TEX11: variants seen among roughly 807,000 people sequenced by gnomAD.
TEX11 encodes testis-expressed protein 11.
A neutral mutation model predicts 84.4 loss-of-function variants in TEX11; 7 were observed. That is an observed-to-expected ratio of 0.08 (90% CI 0.05 to 0.16). The LOEUF (loss-of-function observed/expected upper bound fraction) is 0.16, where lower values mean the gene tolerates loss of function less well. TEX11 is among the 10% of genes least tolerant of loss of function. The probability of loss-of-function intolerance (pLI) is 1.00; values close to 1 mark genes in which losing one functional copy is unlikely to be tolerated. For synonymous variants in TEX11, 264 were observed against 222.8 expected (o/e 1.18, Z -1.64); for missense variants, 551 against 660.5 (o/e 0.83, Z 1.82).
At chrX:70,629,373 C>T (rs960702311) in intron 18 of TEX11, among the ~76,000 whole-genome samples, 1 of 111,729 alleles carries the variant, frequency 9.0e-6, no homozygotes, top group Non-Finnish European at 1.9e-5. Flanking sequence ...TGTTTTGCTA[C>T]GTTTATTTTT....
chrX:70,866,374 T>C (rs755313277), intron 4 of TEX11, among the ~76,000 whole-genome samples: 2 of 107,225 alleles, frequency 1.9e-5, no homozygotes, highest in African/African-American at 6.8e-5. Flanking sequence ...ACTAACAAGT[T>C]CTGAAATTGA....
chrX:70,604,059 A>G (rs2089166754), intron 24 of TEX11, among the ~76,000 whole-genome samples: 1 of 111,659 alleles, frequency 9.0e-6, no homozygotes, highest in Non-Finnish European at 1.9e-5. Context: ...TTCTGAGAAA[A>G]CACAGAGGTG....
chrX:70,663,779 T>C (rs1214939676), intron 16 of TEX11, among the ~76,000 whole-genome samples: 1 of 112,016 alleles, frequency 8.9e-6, no homozygotes, highest in African/African-American at 3.2e-5. Flanking sequence ...GCTTTCATAC[T>C]ATCATAAGAT....
At chrX:70,786,083 T>A (rs927391509) in intron 9 of TEX11, among the ~76,000 whole-genome samples, 9 of 112,101 alleles carry the variant, frequency 8.0e-5, no homozygotes, top group Non-Finnish European at 1.3e-4. Context: ...TGTCCATCAA[T>A]GATAGACTGG....
Position 70,624,859 on chromosome X carries a change from T to C in TEX11, c.1674A>G (p.Glu558=). The change falls in exon 19 of 30, where the codon GAA becomes GAG. Residue 558 remains glutamate (E), a synonymous_variant. Transcript: ENST00000374333. ...EYLAQHSEDQ[E]QVLTAVKCLL... ...CTTACTTTACAGCTGTAAGAACTTG[T>C]TCCTGGTCTTCTGAATGTTGAGCTA... is the stretch of plus-strand genomic sequence containing the variant. 2 of 1,208,486 alleles carry C rather than the reference T, an allele frequency of 1.7e-6. No homozygotes were observed. Among genetic ancestry groups the C allele is most frequent in the South Asian group, 1.8e-5 (1 of 56,336 alleles).
chrX:70,584,363 T>A (rs1336962538), intron 25 of TEX11, among the ~76,000 whole-genome samples: 1 of 107,964 alleles, frequency 9.3e-6, no homozygotes, highest in Admixed American at 9.8e-5. Context: ...AAATAGAAAA[T>A]CTCAACAGAC....
chrX:70,833,647 T>C, intron 7 of TEX11, 54 bp from the exon 8 acceptor site: 1 of 989,048 alleles, frequency 1.0e-6, no homozygotes, highest in South Asian at 2.1e-5. Context: ...GTTATTTGTC[T>C]CTAAGTCAAT....
chrX:70,610,874 G>C (rs2089252971), intron 20 of TEX11, among the ~76,000 whole-genome samples: 1 of 111,421 alleles, frequency 9.0e-6, no homozygotes, highest in African/African-American at 3.3e-5. Flanking sequence ...TTTGAAGGGG[G>C]GAACTAGAAC....
chrX:70,716,857 G>A (rs995619169), intron 13 of TEX11, among the ~76,000 whole-genome samples: 8 of 112,142 alleles, frequency 7.1e-5, no homozygotes, highest in African/African-American at 1.9e-4. Flanking sequence ...GAAATCATTC[G>A]TCTTCTGCGT....
At chrX:70,604,890 A>C (rs768952294) in intron 24 of TEX11, among the ~76,000 whole-genome samples, 4 of 111,856 alleles carry the variant, frequency 3.6e-5, no homozygotes, top group African/African-American at 1.3e-4. Context: ...ACATTTAAGA[A>C]TCTGATAGGG....
At chrX:70,717,323 T>A (rs2090514431) in intron 13 of TEX11, among the ~76,000 whole-genome samples, 1 of 102,186 alleles carries the variant, frequency 9.8e-6, no homozygotes, top group African/African-American at 3.5e-5. Flanking sequence ...CTTTCTTTTC[T>A]TTTTTTTTTT....
intron 11 of TEX11, among the ~76,000 whole-genome samples, chrX:70,738,281 G>C (rs2090710598): frequency 8.9e-6 from 1 of 111,816 alleles, no homozygotes; most frequent in South Asian, 3.7e-4. Flanking sequence ...CCATCAAAAA[G>C]TGGGCAAAGG....
chrX:70,796,361 A>C, intron 9 of TEX11, among the ~76,000 whole-genome samples: 1 of 111,939 alleles, frequency 8.9e-6, no homozygotes, highest in Non-Finnish European at 1.9e-5. Context: ...TAGCCTCATA[A>C]AGGGCAAATA....
At chrX:70,892,223 CCTGCCTTACAAGAG>C (rs2091742108) in intron 2 of TEX11, among the ~76,000 whole-genome samples, 1 of 111,684 alleles carries the variant, frequency 9.0e-6, no homozygotes, top group Admixed American at 9.6e-5. Context: ...CACCACCGGG[CCTGCCTTACAAGAG>C]CTCCTGAAGG....
Position 70,690,510 on chromosome X carries a change from T to C in TEX11, c.1005-7685A>G, listed in dbSNP as rs759237554. Among the ~76,000 whole-genome samples, 120 of 111,068 alleles carry C rather than the reference T, an allele frequency of 1.1e-3. 2 individuals are homozygous for C. The highest frequency in any genetic ancestry group is 3.8e-3 in the African/African-American group (117 of 30,579). ...AAGTTCGGGACGAGCCTGGGCAACATAGTAAGACACCCTGTCTCTACAAAA... is the reference window on the plus strand; with the variant it reads ...AAGTTCGGGACGAGCCTGGGCAACACAGTAAGACACCCTGTCTCTACAAAA... On this transcript the variant is annotated intron_variant, in intron 13 of 29. Transcript: ENST00000374333.
chrX:70,600,345 A>C (rs1164808763), intron 24 of TEX11, among the ~76,000 whole-genome samples: 1 of 111,491 alleles, frequency 9.0e-6, no homozygotes, highest in East Asian at 2.8e-4. Context: ...CACCCAATAC[A>C]GGAGCACCCA....
rs2090523365 is a variant in TEX11 at position 70,718,088 on chromosome X, T to C, written c.1004+4530A>G. ...CTTAAGTGGAAATTCGGGTACCGTATCAAGAGGAAAGTGGAATGAATAAAA... is the reference window on the plus strand; with the variant it reads ...CTTAAGTGGAAATTCGGGTACCGTACCAAGAGGAAAGTGGAATGAATAAAA... On this transcript the variant is annotated intron_variant, in intron 13 of 29. Transcript: ENST00000374333. 2.7e-5 allele frequency among the ~76,000 whole-genome samples: 3 copies of C among 111,560 alleles called. No individual in the cohort carries two copies. The South Asian group carries it at 1.1e-3, about 42-fold the overall frequency.
chrX:70,595,248 A>T (rs943814367), intron 24 of TEX11, among the ~76,000 whole-genome samples: 16 of 110,178 alleles, frequency 1.5e-4, no homozygotes, highest in Non-Finnish European at 2.8e-4. Context: ...TGCCCAGCTA[A>T]TTTTGTGTGT....
At chrX:70,686,531 T>C (rs761907547) in intron 13 of TEX11, among the ~76,000 whole-genome samples, 1 of 110,349 alleles carries the variant, frequency 9.1e-6, no homozygotes, top group South Asian at 3.9e-4. Flanking sequence ...CTCTGGAGCC[T>C]GTCGGGAGGT....
Sources: allele counts gnomAD v4.1 joint callset (sites outside exome capture counted in the v4.1 genomes callset), GRCh38; gene constraint gnomAD v4.1.1; transcripts MANE v1.5; gene names NCBI Gene and HGNC (gene_info 2026-07-23, HGNC 2026-07-21).